Variants in GFRA2 observed in about 807,000 individuals in gnomAD.
GFRA2 encodes GDNF family receptor alpha 2.
In GFRA2, 17 loss-of-function variants were observed where a neutral mutation model predicts 48.3. The ratio of observed to expected loss-of-function variants is 0.35; its 90% CI spans 0.24 to 0.53. The LOEUF (loss-of-function observed/expected upper bound fraction) is 0.53, where lower values mean the gene tolerates loss of function less well. GFRA2 is among the 20% of genes least tolerant of loss of function. The probability of loss-of-function intolerance (pLI) is 0.93; values close to 1 mark genes in which losing one functional copy is unlikely to be tolerated. For missense variants in GFRA2, 660 were observed against 637.3 expected, an observed-to-expected ratio of 1.04 and a Z score of -0.38; for synonymous variants, 305 against 257.2, an observed-to-expected ratio of 1.19 and a Z score of -1.78.
At position 21,693,199 on chromosome 8, in the gene GFRA2, CTGTG is replaced by C; in HGVS notation, c.*75_*78del. The C allele has an allele frequency of 7.0e-7, 1 of 1,419,492 alleles. No individual in the cohort carries two copies. The highest frequency in any genetic ancestry group is 9.6e-7 in the Non-Finnish European group (1 of 1,040,522). The allele number at this position is 1,419,492 out of a possible 1,614,324, so 87.9% of individuals were successfully genotyped here. On this transcript the variant is annotated 3_prime_UTR_variant, in exon 9 of 9. Transcript: ENST00000524240. ...TTTTTTTTGCAAGGTGTGTGTGTGT[CTGTG>C]TGTGTTTCCATTTCGTCAGGCGGCT...
chr8:21,769,463 G>A (rs941605509), intron 3 of GFRA2, among the ~76,000 whole-genome samples: 7 of 152,200 alleles, frequency 4.6e-5, no homozygotes, highest in African/African-American at 1.7e-4. Context: ...GCCCTGGCAC[G>A]CTGCATGCCA....
chr8:21,752,613 G>A (rs534468058), intron 3 of GFRA2, among the ~76,000 whole-genome samples: 38 of 151,844 alleles, frequency 2.5e-4, no homozygotes, highest in Non-Finnish European at 4.4e-4. Context: ...TTATACCCCC[G>A]GACGAGACCT....
At chr8:21,718,177 G>A (rs112057759) in intron 4 of GFRA2, among the ~76,000 whole-genome samples, 1 of 152,088 alleles carries the variant, frequency 6.6e-6, no homozygotes, top group Non-Finnish European at 1.5e-5. Flanking sequence ...GAATCATGGA[G>A]GCAGGTCTTT....
intron 3 of GFRA2, 85 bp downstream of exon 3, chr8:21,774,887 G>A (rs1462518730): frequency 4.0e-6 from 3 of 751,544 alleles, no homozygotes; most frequent in Admixed American, 3.8e-5. Context: ...CGGACGCCAG[G>A]ATGCCTGTCC....
chr8:21,723,761 C>T (rs910107369), intron 4 of GFRA2, among the ~76,000 whole-genome samples: 2 of 152,204 alleles, frequency 1.3e-5, no homozygotes, highest in African/African-American at 4.8e-5. Flanking sequence ...TCTCAACAGG[C>T]TAGAAAGTGG....
chr8:21,727,895 T>G (rs1243093504), intron 4 of GFRA2, among the ~76,000 whole-genome samples: 1 of 152,106 alleles, frequency 6.6e-6, no homozygotes, highest in Non-Finnish European at 1.5e-5. Flanking sequence ...AGCTGGATAT[T>G]AAAACAAAAG....
rs949744581 is a variant in GFRA2 at position 21,804,146 on chromosome 8, A to T, written c.-36+871T>A. ...TCCAAAAATCATTCGCTTTACCACA[A>T]ACCTATACTGCTGCCTATAGTGGAA... is the stretch of plus-strand genomic sequence containing the variant. On this transcript the variant is annotated intron_variant, in intron 2 of 10. Coordinates refer to the GFRA2 transcript ENST00000517328. Among the ~76,000 whole-genome samples, 3 of 151,924 alleles carry T rather than the reference A, an allele frequency of 2.0e-5. No individual in the cohort carries two copies. The East Asian group carries it at 5.8e-4, about 29-fold the overall frequency.
chr8:21,771,360 C>A (rs1168436038), intron 3 of GFRA2, among the ~76,000 whole-genome samples: 3 of 152,234 alleles, frequency 2.0e-5, no homozygotes, highest in South Asian at 2.1e-4. Flanking sequence ...TCCATGAAAT[C>A]TCTTCCCACA....
intron 4 of GFRA2, among the ~76,000 whole-genome samples, chr8:21,708,615 G>T (rs1485243257): frequency 6.6e-6 from 1 of 152,168 alleles, no homozygotes; most frequent in Non-Finnish European, 1.5e-5. Flanking sequence ...GGTCACAGTG[G>T]ATTAGGGTGG....
At position 21,702,893 on chromosome 8, in the gene GFRA2, C is replaced by G. The variant is rs767618343; in HGVS notation, c.1130G>C (p.Arg377Pro). The G allele has an allele frequency of 4.4e-6, 7 of 1,604,814 alleles. No homozygotes were observed. The highest frequency in any genetic ancestry group is 6.0e-6 in the Non-Finnish European group (7 of 1,175,886). ...TGGCAAAGAAGGCGTCTTCTCCACC[C>G]GAGGGGCCTGGGTGGCCTGGAACGA... ...GPSFQATQAP[R>P]VEKTPSLPDD... Residue 377 changes from arginine (R) to proline (P), a missense_variant, in exon 7 of 9, where the codon CGG becomes CCG. Transcript: ENST00000524240.
intron 4 of GFRA2, among the ~76,000 whole-genome samples, chr8:21,742,604 G>A (rs1275128139): frequency 6.6e-6 from 1 of 152,210 alleles, no homozygotes; most frequent in Non-Finnish European, 1.5e-5. Flanking sequence ...AAATACTCAG[G>A]GAGCCAGTGT....
chr8:21,746,244 G>A (rs1024627830), intron 4 of GFRA2, among the ~76,000 whole-genome samples: 36 of 152,108 alleles, frequency 2.4e-4, no homozygotes, highest in African/African-American at 7.2e-4. Context: ...CTGTGGCTCC[G>A]GATGCATGTC....
At chr8:21,774,932 G>A (rs368110168) in intron 3 of GFRA2, 40 bp downstream of exon 3, 19 of 1,110,940 alleles carry the variant, frequency 1.7e-5, no homozygotes, top group African/African-American at 6.1e-5. Context: ...CCACAGGGAC[G>A]AGAGGAGAAC....
At chr8:21,752,936 C>A (rs552026758) in intron 3 of GFRA2, among the ~76,000 whole-genome samples, 1 of 152,310 alleles carries the variant, frequency 6.6e-6, no homozygotes, top group Non-Finnish European at 1.5e-5. Context: ...CCACCTGGAT[C>A]TGAGCCACCG....
chr8:21,705,232 C>A, intron 5 of GFRA2, 107 bp from the exon 6 acceptor site: 1 of 1,137,376 alleles, frequency 8.8e-7, no homozygotes, highest in Non-Finnish European at 1.2e-6. Context: ...GGTACCCATC[C>A]TCTGACCTGG....
rs117647943 is a variant in GFRA2, at chr8:21,739,472, C to A, written c.794+11116G>T. 4.4e-4 allele frequency among the ~76,000 whole-genome samples: 67 copies of A among 152,318 alleles called. No homozygotes were observed. In the East Asian group the frequency reaches 0.013, roughly 29 times the overall value. On this transcript the variant is annotated intron_variant, in intron 4 of 8. Coordinates refer to ENST00000524240, the MANE Select transcript of GFRA2 (RefSeq NM_001495.5). Reference sequence around the variant, plus strand: ...TGTAACTCCTAATCCAGGACCCCTTCCCCCTGACTTGACTTTGTCCTCTTA... The same window carrying A: ...TGTAACTCCTAATCCAGGACCCCTTACCCCTGACTTGACTTTGTCCTCTTA...
chr8:21,703,687 G>A (rs1421040908), intron 6 of GFRA2, among the ~76,000 whole-genome samples: 1 of 152,126 alleles, frequency 6.6e-6, no homozygotes, highest in Non-Finnish European at 1.5e-5. Context: ...AATCCTGAGG[G>A]TCACCCTTGG....
intron 4 of GFRA2, among the ~76,000 whole-genome samples, chr8:21,712,842 C>G (rs1803124995): frequency 6.6e-6 from 1 of 152,118 alleles, no homozygotes; most frequent in Non-Finnish European, 1.5e-5. Flanking sequence ...CCATCTCCAC[C>G]AAAAAAATAC....
chr8:21,787,456 C>T (rs1022356907), intron 1 of GFRA2, among the ~76,000 whole-genome samples: 7 of 152,342 alleles, frequency 4.6e-5, no homozygotes, highest in Non-Finnish European at 7.4e-5. Context: ...GCTCACAACC[C>T]TCCGCTCCCG....
Sources: allele counts gnomAD v4.1 joint callset (sites outside exome capture counted in the v4.1 genomes callset), GRCh38; gene constraint gnomAD v4.1.1; transcripts MANE v1.5; gene names NCBI Gene and HGNC (gene_info 2026-07-23, HGNC 2026-07-21).